The following ADARB2 variants were observed in gnomAD, a reference collection of about 807,000 sequenced individuals.
ADARB2 encodes the protein inactive double-stranded RNA-specific editase B2.
In ADARB2, 25 loss-of-function variants were observed where a neutral mutation model predicts 62.2. The observed-to-expected ratio is 0.40, with a 90% CI of 0.29 to 0.56. The LOEUF is 0.56. Among genes scored for constraint, ADARB2 ranks in the 20% least tolerant of loss-of-function variants. The pLI, the probability that ADARB2 is intolerant of heterozygous loss-of-function variation, is 0.43. For missense variants in ADARB2, 1,071 were observed against 1,077.4 expected (o/e 0.99, Z 0.08); for synonymous variants, 572 against 500.8 (o/e 1.14, Z -1.90).
rs148346647 is a variant in ADARB2, at chr10:1,326,244, C to T, written c.1077+36784G>A. ...AACTTTGCAGCACACAAGGCTGAGC[C>T]GATTTTAACTCACTAATTATGATGC... On this transcript the variant is annotated intron_variant, in intron 3 of 9. Coordinates refer to ENST00000381312, the MANE Select transcript of ADARB2 (RefSeq NM_018702.4). 5.5e-4 allele frequency among the ~76,000 whole-genome samples: 84 copies of T among 152,296 alleles called. No homozygotes were observed. In the East Asian group the frequency reaches 0.016, roughly 29 times the overall value.
chr10:1,666,376 G>C (rs960638746), intron 1 of ADARB2, among the ~76,000 whole-genome samples: 4 of 152,214 alleles, frequency 2.6e-5, no homozygotes, highest in African/African-American at 9.6e-5. Context: ...CCTCCGAAGG[G>C]GGGCCAGTAG....
At chr10:1,712,429 GC>G (rs779821857) in intron 1 of ADARB2, among the ~76,000 whole-genome samples, 30 of 150,466 alleles carry the variant, frequency 2.0e-4, no homozygotes, top group African/African-American at 6.3e-4. Flanking sequence ...AGAATATACT[GC>G]TTTTTTTTTT....
chr10:1,717,575 C>T (rs1348044169), intron 1 of ADARB2, among the ~76,000 whole-genome samples: 1 of 147,610 alleles, frequency 6.8e-6, no homozygotes, highest in Non-Finnish European at 1.5e-5. Flanking sequence ...TTCTTTCCTT[C>T]CTTCTTTCTT....
intron 3 of ADARB2, among the ~76,000 whole-genome samples, chr10:1,362,263 G>A (rs1252822905): frequency 6.6e-6 from 1 of 152,236 alleles, no homozygotes; most frequent in East Asian, 1.9e-4. Flanking sequence ...CTTCAGTAAC[G>A]GGCTCTTGGG....
At chr10:1,546,932 C>G (rs183233748) in intron 1 of ADARB2, among the ~76,000 whole-genome samples, 1 of 152,164 alleles carries the variant, frequency 6.6e-6, no homozygotes, top group Non-Finnish European at 1.5e-5. Context: ...CTGTGAAGTG[C>G]GAACACACTC....
intron 1 of ADARB2, among the ~76,000 whole-genome samples, chr10:1,732,181 T>C (rs755401756): frequency 1.3e-5 from 2 of 151,984 alleles, no homozygotes; most frequent in Admixed American, 6.6e-5. Context: ...TGTATATACA[T>C]ATACATACAT....
chr10:1,579,259 C>T (rs1282377135), intron 1 of ADARB2, among the ~76,000 whole-genome samples: 1 of 152,180 alleles, frequency 6.6e-6, no homozygotes, highest in Non-Finnish European at 1.5e-5. Flanking sequence ...AGAGCCCTGG[C>T]AAAACCACAC....
At chr10:1,506,059 A>C (rs982259066) in intron 1 of ADARB2, among the ~76,000 whole-genome samples, 2 of 152,006 alleles carry the variant, frequency 1.3e-5, no homozygotes, top group Non-Finnish European at 2.9e-5. Flanking sequence ...ATCTATTATC[A>C]GATTTTAAGA....
chr10:1,368,872 G>GTC, intron 2 of ADARB2, among the ~76,000 whole-genome samples: 1 of 125,910 alleles, frequency 7.9e-6, no homozygotes, highest in East Asian at 2.3e-4. Flanking sequence ...TCGCCCTGTG[G>GTC]CAGTCGTGGG....
chr10:1,279,162 C>T (rs1051538149), intron 3 of ADARB2, among the ~76,000 whole-genome samples: 3 of 152,178 alleles, frequency 2.0e-5, no homozygotes, highest in Admixed American at 6.5e-5. Context: ...AAAGCTGAAG[C>T]CCAAGATGAT....
chr10:1,562,139 C>T (rs936064085), intron 1 of ADARB2, among the ~76,000 whole-genome samples: 5 of 152,102 alleles, frequency 3.3e-5, no homozygotes, highest in Non-Finnish European at 5.9e-5. Flanking sequence ...GGTTCTTCTG[C>T]CTGGAGCAGC....
intron 1 of ADARB2, among the ~76,000 whole-genome samples, chr10:1,460,066 G>C (rs112821674): frequency 2.5e-4 from 15 of 59,380 alleles, no homozygotes; most frequent in African/African-American, 8.5e-4. Flanking sequence ...CCTGTGACCT[G>C]AGTTTACCTG....
At chr10:1,359,972 C>T (rs539631145) in intron 3 of ADARB2, among the ~76,000 whole-genome samples, 5 of 152,230 alleles carry the variant, frequency 3.3e-5, no homozygotes, top group African/African-American at 4.8e-5. Context: ...GACTTCCCTC[C>T]GGGATGGTTC....
chr10:1,227,056 T>A (rs1830754244), intron 6 of ADARB2, among the ~76,000 whole-genome samples: 1 of 152,258 alleles, frequency 6.6e-6, no homozygotes, highest in Non-Finnish European at 1.5e-5. Flanking sequence ...CCACCCAGTT[T>A]GAGCTTCCAG....
chr10:1,298,522 T>C (rs1831543918), intron 3 of ADARB2, among the ~76,000 whole-genome samples: 1 of 152,110 alleles, frequency 6.6e-6, no homozygotes, highest in African/African-American at 2.4e-5. Flanking sequence ...AAAATTCACC[T>C]TGAGGGAGCC....
chr10:1,378,889 G>T (rs1199042199), intron 2 of ADARB2, among the ~76,000 whole-genome samples, 185 bp downstream of exon 2: 1 of 152,208 alleles, frequency 6.6e-6, no homozygotes, highest in South Asian at 2.1e-4. Flanking sequence ...AATTGCAGGT[G>T]TGGGTGGGGT....
In ADARB2 at chr10:1,379,176, C is replaced by T. The variant is rs765840939; in HGVS notation, c.101-16G>A. The T allele has an allele frequency of 3.8e-6, 6 of 1,588,614 alleles. No individual in the cohort carries two copies. The highest frequency in any genetic ancestry group is 5.2e-6 in the Non-Finnish European group (6 of 1,157,224). On this transcript the variant is annotated splice_polypyrimidine_tract_variant and intron_variant, in intron 1 of 9. Coordinates refer to ENST00000381312, the MANE Select transcript of ADARB2 (RefSeq NM_018702.4). Reference sequence around the variant, plus strand: ...CTTACTTTATCTGGAAAGAAAAGAACAGGAAATGCACTTTTGACATGGAGT... The same window carrying T: ...CTTACTTTATCTGGAAAGAAAAGAATAGGAAATGCACTTTTGACATGGAGT...
intron 1 of ADARB2, among the ~76,000 whole-genome samples, chr10:1,414,711 G>A (rs552913153): frequency 3.9e-5 from 6 of 152,252 alleles, no homozygotes; most frequent in Admixed American, 1.3e-4. Context: ...GATGGCCCCT[G>A]GTCCCACCTT....
At chr10:1,325,524 T>G (rs974806674) in intron 3 of ADARB2, among the ~76,000 whole-genome samples, 29 of 152,208 alleles carry the variant, frequency 1.9e-4, no homozygotes, top group African/African-American at 7.0e-4. Flanking sequence ...GGGTGAAATG[T>G]AAAGTGGAAT....
Sources: allele counts gnomAD v4.1 joint callset (sites outside exome capture counted in the v4.1 genomes callset), GRCh38; gene constraint gnomAD v4.1.1; transcripts MANE v1.5; gene names NCBI Gene and HGNC (gene_info 2026-07-23, HGNC 2026-07-21).